The following SDK1 variants were observed in gnomAD, a reference collection of about 807,000 sequenced individuals.
The protein encoded by SDK1 is sidekick cell adhesion molecule 1.
Under a neutral mutation model 245.5 loss-of-function variants are expected in SDK1, and 157 were observed. That is an observed-to-expected ratio of 0.64 (90% CI 0.56 to 0.73). SDK1 has a LOEUF of 0.73. SDK1 is among the 30% of genes least tolerant of loss of function. SDK1 has a pLI of 0.00. For synonymous variants in SDK1, 1,647 were observed against 1,278.5 expected (o/e 1.29, Z -6.15); for missense variants, 3,583 against 3,002.3 (o/e 1.19, Z -4.52).
intron 1 of SDK1, among the ~76,000 whole-genome samples, chr7:3,337,720 C>T (rs1351099465): frequency 6.6e-6 from 1 of 152,070 alleles, no homozygotes; most frequent in Non-Finnish European, 1.5e-5. Context: ...ATGATGGTGG[C>T]CAGAAGAAAA....
At chr7:3,922,260 G>T (rs1157057206) in intron 5 of SDK1, among the ~76,000 whole-genome samples, 1 of 152,166 alleles carries the variant, frequency 6.6e-6, no homozygotes, top group African/African-American at 2.4e-5. Context: ...CATGGATCTG[G>T]GGGCTGGGAG....
intron 4 of SDK1, among the ~76,000 whole-genome samples, chr7:3,787,922 C>T (rs199827689): frequency 6.6e-6 from 1 of 152,196 alleles, no homozygotes; most frequent in Non-Finnish European, 1.5e-5. Context: ...TGCGGTTGCA[C>T]AGAAGCCACT....
chr7:3,409,424 G>A (rs1270709566), intron 1 of SDK1, among the ~76,000 whole-genome samples: 2 of 151,908 alleles, frequency 1.3e-5, no homozygotes, highest in Non-Finnish European at 2.9e-5. Context: ...ACAGTCAGGT[G>A]GCTGTTCTGC....
At chr7:4,147,389 G>A (rs749876725) in intron 29 of SDK1, among the ~76,000 whole-genome samples, 10 of 151,918 alleles carry the variant, frequency 6.6e-5, no homozygotes, top group Non-Finnish European at 1.0e-4. Context: ...CATCTTGGCC[G>A]CCCAAAGTGC....
At chr7:4,079,657 C>A in intron 22 of SDK1, 73 bp downstream of exon 22, 2 of 1,583,056 alleles carry the variant, frequency 1.3e-6, no homozygotes. Context: ...AGTGGTACCC[C>A]TGCAGATGAT....
intron 20 of SDK1, among the ~76,000 whole-genome samples, chr7:4,073,935 C>A (rs1445128721): frequency 6.6e-6 from 1 of 151,374 alleles, no homozygotes; most frequent in African/African-American, 2.4e-5. Flanking sequence ...AGGCCCCTCT[C>A]CCAGTTCCTC....
At chr7:3,862,934 A>G (rs1451885878) in intron 5 of SDK1, among the ~76,000 whole-genome samples, 2 of 151,684 alleles carry the variant, frequency 1.3e-5, no homozygotes, top group Non-Finnish European at 2.9e-5. Context: ...TTGTGCTCCT[A>G]TGGGAATCCA....
At chr7:3,493,049 C>T (rs954820834) in intron 1 of SDK1, among the ~76,000 whole-genome samples, 1 of 152,276 alleles carries the variant, frequency 6.6e-6, no homozygotes, top group East Asian at 1.9e-4. Context: ...CTCCCGGGTT[C>T]ACACCATTCT....
chr7:3,622,267 CAGG>C (rs1220928459), intron 2 of SDK1, among the ~76,000 whole-genome samples: 1 of 152,152 alleles, frequency 6.6e-6, no homozygotes, highest in Non-Finnish European at 1.5e-5. Context: ...CATTTGAGGT[CAGG>C]AGTTCGACAC....
chr7:3,905,279 A>G (rs1269900216), intron 5 of SDK1, among the ~76,000 whole-genome samples: 1 of 152,046 alleles, frequency 6.6e-6, no homozygotes, highest in East Asian at 1.9e-4. Context: ...CTATTTTTCT[A>G]TTATAAGTAA....
intron 38 of SDK1, among the ~76,000 whole-genome samples, chr7:4,214,810 A>G (rs942241677): frequency 1.2e-4 from 18 of 151,708 alleles, no homozygotes; most frequent in Non-Finnish European, 2.2e-4. Context: ...TAGACATGAC[A>G]CCTGGCTCTG....
At chr7:3,955,946 C>T (rs1781224722) in intron 7 of SDK1, among the ~76,000 whole-genome samples, 1 of 152,210 alleles carries the variant, frequency 6.6e-6, no homozygotes, top group African/African-American at 2.4e-5. Context: ...CCCCTGGAGG[C>T]AGCTGCCATG....
At chr7:3,770,076 C>T (rs766766319) in intron 4 of SDK1, among the ~76,000 whole-genome samples, 20 of 151,718 alleles carry the variant, frequency 1.3e-4, no homozygotes, top group Non-Finnish European at 2.4e-4. Flanking sequence ...GGAGATGAGA[C>T]AGGGCCGAAA....
chr7:3,721,775 G>C (rs922965459), intron 4 of SDK1, among the ~76,000 whole-genome samples: 1 of 152,180 alleles, frequency 6.6e-6, no homozygotes, highest in African/African-American at 2.4e-5. Context: ...AGAGAACCCA[G>C]AGCTGAGAGC....
At chr7:3,842,710 C>G (rs926332653) in intron 5 of SDK1, among the ~76,000 whole-genome samples, 3 of 152,140 alleles carry the variant, frequency 2.0e-5, no homozygotes, top group African/African-American at 7.2e-5. Flanking sequence ...CCTAGACCAG[C>G]TAAAATGCTG....
At chr7:3,998,062 T>C (rs1046930044) in intron 14 of SDK1, among the ~76,000 whole-genome samples, 3 of 152,226 alleles carry the variant, frequency 2.0e-5, no homozygotes, top group Non-Finnish European at 4.4e-5. Context: ...GGATCCTGCC[T>C]GCTCCCAGCC....
At chr7:3,799,303 A>C (rs1049196102) in intron 4 of SDK1, among the ~76,000 whole-genome samples, 4 of 151,784 alleles carry the variant, frequency 2.6e-5, no homozygotes, top group African/African-American at 9.7e-5. Context: ...TAATTCTTCT[A>C]TCTCAAATTG....
In SDK1 at chr7:4,259,929, C is replaced by G. The variant is rs555119271; in HGVS notation, c.6382-5195C>G. Among the ~76,000 whole-genome samples the G allele has an allele frequency of 2.0e-5, 3 of 152,346 alleles. 1 individual carries two copies. Among genetic ancestry groups the G allele is most frequent in the African/African-American group, 7.2e-5 (3 of 41,586 alleles). On this transcript the variant is annotated intron_variant, in intron 44 of 44. Coordinates refer to ENST00000404826, the MANE Select transcript of SDK1 (RefSeq NM_152744.4). ...TCTCGCTGAGCCTTGCTTCTTTATT[C>G]ATAAAGTGGGAATTGTAACATCTGC...
At chr7:3,314,811 T>G (rs1779627153) in intron 1 of SDK1, among the ~76,000 whole-genome samples, 1 of 152,224 alleles carries the variant, frequency 6.6e-6, no homozygotes, top group Admixed American at 6.5e-5. Flanking sequence ...GGTTTTATTT[T>G]AAACCCACAA....
Sources: allele counts gnomAD v4.1 joint callset (sites outside exome capture counted in the v4.1 genomes callset), GRCh38; gene constraint gnomAD v4.1.1; transcripts MANE v1.5; gene names NCBI Gene and HGNC (gene_info 2026-07-23, HGNC 2026-07-21).